FTO: variants seen among roughly 807,000 people sequenced by gnomAD.
The protein encoded by FTO is FTO alpha-ketoglutarate dependent dioxygenase.
In FTO, 47 loss-of-function variants were observed where a neutral mutation model predicts 63.9. The ratio of observed to expected loss-of-function variants is 0.74; its 90% CI spans 0.58 to 0.94. The LOEUF is 0.94. Among genes scored for constraint, FTO ranks in the 40% least tolerant of loss-of-function variants. The probability of loss-of-function intolerance (pLI) is 0.00; values close to 1 mark genes in which losing one functional copy is unlikely to be tolerated. For missense variants in FTO, 562 were observed against 618.1 expected, an observed-to-expected ratio of 0.91 and a Z score of 0.96; for synonymous variants, 207 against 224.4, an observed-to-expected ratio of 0.92 and a Z score of 0.69.
chr16:53,704,215 G>C lies in FTO; in HGVS notation c.31G>C (p.Glu11Gln). MKRTPTAEER[E>Q]REAKKLRLLE... is the part of the protein sequence containing the mutation. ...GCGCACCCCGACTGCCGAGGAACGA[G>C]AGCGCGAAGCTAAGGTATGTCGGGC... Residue 11 changes from glutamate (E) to glutamine (Q), a missense_variant, in exon 1 of 9, where the codon GAG (glutamate) becomes CAG (glutamine). Physicochemically the swap from Glu to Gln is conservative, Grantham distance 29. Transcript: ENST00000471389. The C allele has an allele frequency of 6.4e-7, 1 of 1,551,530 alleles. No individual in the cohort carries two copies. The highest frequency in any genetic ancestry group is 8.7e-7 in the Non-Finnish European group (1 of 1,146,840).
intron 1 of FTO, among the ~76,000 whole-genome samples, chr16:53,783,273 A>G (rs2077633660): frequency 6.6e-6 from 1 of 152,022 alleles, no homozygotes; most frequent in African/African-American, 2.4e-5. Context: ...TGAGGTCAGG[A>G]GTCCGAGACC....
At chr16:53,861,725 C>T (rs989686943) in intron 4 of FTO, among the ~76,000 whole-genome samples, 3 of 152,016 alleles carry the variant, frequency 2.0e-5, no homozygotes, top group Non-Finnish European at 4.4e-5. Flanking sequence ...TATTTAACTG[C>T]GTTTATGCTT....
intron 2 of FTO, among the ~76,000 whole-genome samples, chr16:53,815,853 TGGCCA>T (rs1301830098): frequency 6.8e-6 from 1 of 147,392 alleles, no homozygotes; most frequent in Non-Finnish European, 1.5e-5. Context: ...TTCGCCTTGT[TGGCCA>T]GGCTGGTCTC....
chr16:53,836,538 A>G (rs2079298370), intron 3 of FTO, among the ~76,000 whole-genome samples: 1 of 152,154 alleles, frequency 6.6e-6, no homozygotes, highest in Admixed American at 6.5e-5. Flanking sequence ...AGCTTGTACT[A>G]TTCAGTTACA....
intron 8 of FTO, among the ~76,000 whole-genome samples, chr16:53,968,663 G>T (rs1469701332): frequency 6.6e-6 from 1 of 152,188 alleles, no homozygotes; most frequent in Non-Finnish European, 1.5e-5. Context: ...AACACATGCT[G>T]TAGGAATCTT....
chr16:53,859,250 T>A (rs1382597946), intron 4 of FTO, among the ~76,000 whole-genome samples: 4 of 152,160 alleles, frequency 2.6e-5, no homozygotes, highest in Non-Finnish European at 4.4e-5. Context: ...AGAAGCCACT[T>A]CAACCTCCAA....
intron 1 of FTO, among the ~76,000 whole-genome samples, chr16:53,789,804 G>A (rs2077850046): frequency 6.7e-6 from 1 of 148,360 alleles, no homozygotes; most frequent in Non-Finnish European, 1.5e-5. Flanking sequence ...ATGTATACAT[G>A]TGTACATGTA....
chr16:54,013,124 C>T (rs1263647930), intron 8 of FTO, among the ~76,000 whole-genome samples: 1 of 152,158 alleles, frequency 6.6e-6, no homozygotes, highest in East Asian at 1.9e-4. Context: ...ATTCATGATT[C>T]ATGGGAGGAA....
chr16:53,948,948 G>T (rs1306903971), intron 8 of FTO, among the ~76,000 whole-genome samples: 1 of 152,122 alleles, frequency 6.6e-6, no homozygotes, highest in Non-Finnish European at 1.5e-5. Context: ...GTAGGTTCTT[G>T]CGCGTGAGTG....
chr16:53,844,124 C>G (rs902086967), intron 3 of FTO, 31 bp from the exon 4 acceptor site: 2 of 1,598,332 alleles, frequency 1.3e-6, no homozygotes, highest in Non-Finnish European at 1.7e-6. Flanking sequence ...TTAAACATTT[C>G]CTTTCTGATC....
intron 3 of FTO, among the ~76,000 whole-genome samples, chr16:53,829,867 G>A (rs913420121): frequency 2.0e-5 from 3 of 152,108 alleles, no homozygotes; most frequent in East Asian, 1.9e-4. Flanking sequence ...TGAAAACACC[G>A]AGAAGGGAAG....
chr16:53,941,302 T>A (rs1250969042), intron 8 of FTO, among the ~76,000 whole-genome samples: 1 of 152,100 alleles, frequency 6.6e-6, no homozygotes, highest in Non-Finnish European at 1.5e-5. Flanking sequence ...AATGTGGAGG[T>A]GGTAGTTAAT....
chr16:53,903,883 T>G (rs942367813), intron 7 of FTO, among the ~76,000 whole-genome samples: 3 of 152,092 alleles, frequency 2.0e-5, no homozygotes, highest in Non-Finnish European at 2.9e-5. Context: ...ATAGAGTTTG[T>G]AGCAGAGTTT....
At chr16:53,978,125 C>G (rs776221599) in intron 8 of FTO, among the ~76,000 whole-genome samples, 2 of 152,118 alleles carry the variant, frequency 1.3e-5, no homozygotes, top group Non-Finnish European at 2.9e-5. Flanking sequence ...AGAGAAGACA[C>G]TATTGTTTCA....
At chr16:53,766,130 G>T (rs2077195455) in intron 1 of FTO, among the ~76,000 whole-genome samples, 3 of 152,166 alleles carry the variant, frequency 2.0e-5, no homozygotes, top group Non-Finnish European at 4.4e-5. Flanking sequence ...AAAGCTGCCA[G>T]GATTTACTTT....
chr16:54,023,202 C>G (rs1490207038), intron 8 of FTO, among the ~76,000 whole-genome samples: 2 of 152,188 alleles, frequency 1.3e-5, no homozygotes, highest in Non-Finnish European at 1.5e-5. Flanking sequence ...TAGCATGCAC[C>G]TTGATGCTTG....
chr16:53,839,549 G>A (rs1219460286), intron 3 of FTO, among the ~76,000 whole-genome samples: 1 of 152,058 alleles, frequency 6.6e-6, no homozygotes, highest in African/African-American at 2.4e-5. Flanking sequence ...GGGAGACATC[G>A]AGAAAGACTA....
intron 8 of FTO, chr16:53,965,638 T>G (rs1390217976): frequency 6.6e-6 from 1 of 152,124 alleles, no homozygotes; most frequent in Admixed American, 6.5e-5. Context: ...AACTAAAGTT[T>G]CTTGTGTTCT....
intron 8 of FTO, among the ~76,000 whole-genome samples, chr16:53,952,011 A>G (rs2082813563): frequency 6.6e-6 from 1 of 152,222 alleles, no homozygotes; most frequent in Non-Finnish European, 1.5e-5. Context: ...GCTGATCATC[A>G]TCATCATCAT....
Sources: gnomAD v4.1 joint callset for allele counts (sites outside exome capture counted in the v4.1 genomes callset) on GRCh38, gnomAD v4.1.1 for gene constraint, MANE v1.5 for transcripts, NCBI Gene and HGNC (gene_info 2026-07-23, HGNC 2026-07-21) for gene names.